Variants in RIT2 observed in about 807,000 individuals in gnomAD.
RIT2 encodes the protein Ras like without CAAX 2, also known as GTP-binding protein Rit2.
RIT2 carries 24 observed loss-of-function variants against 23.7 expected under a neutral mutation model. The ratio of observed to expected loss-of-function variants is 1.01; its 90% CI spans 0.73 to 1.43. RIT2 has a LOEUF of 1.43. Among genes scored for constraint, RIT2 ranks in the 40% most tolerant of loss-of-function variants. RIT2 has a pLI of 0.00. For synonymous variants in RIT2, 107 were observed against 91.1 expected (o/e 1.17, Z -0.99); for missense variants, 236 against 266.9 (o/e 0.88, Z 0.81).
At chr18:42,782,033 GT>G (rs1344178270) in intron 4 of RIT2, among the ~76,000 whole-genome samples, 22 of 152,214 alleles carry the variant, frequency 1.4e-4, no homozygotes. Flanking sequence ...TTAGCTTCAA[GT>G]TTCAGAAAAC....
intron 4 of RIT2, among the ~76,000 whole-genome samples, chr18:42,872,392 T>C (rs774274864): frequency 9.2e-5 from 14 of 152,348 alleles, no homozygotes; most frequent in Non-Finnish European, 1.9e-4. Context: ...CACCTCATGA[T>C]GTCAAAATTG....
intron 4 of RIT2, among the ~76,000 whole-genome samples, chr18:42,796,057 A>G (rs1905341247): frequency 6.6e-6 from 1 of 152,190 alleles, no homozygotes; most frequent in Non-Finnish European, 1.5e-5. Context: ...CCTAGCCAGC[A>G]GTGGCAACCC....
chr18:42,750,738 G>A (rs1179575934), intron 4 of RIT2, among the ~76,000 whole-genome samples: 2 of 151,670 alleles, frequency 1.3e-5, no homozygotes. Flanking sequence ...ACAAATTGTA[G>A]ACTTGTATTA....
At chr18:42,784,901 C>T (rs949880136) in intron 4 of RIT2, among the ~76,000 whole-genome samples, 7 of 151,890 alleles carry the variant, frequency 4.6e-5, no homozygotes, top group African/African-American at 7.2e-5. Flanking sequence ...TCATTAGACA[C>T]GTAACTATAA....
chr18:42,844,465 G>A (rs926567109), intron 4 of RIT2, among the ~76,000 whole-genome samples: 5 of 152,144 alleles, frequency 3.3e-5, no homozygotes, highest in African/African-American at 1.2e-4. Flanking sequence ...GGTTCTCAGT[G>A]TAGAAGGAAG....
chr18:42,846,094 C>A (rs1346357876), intron 4 of RIT2, among the ~76,000 whole-genome samples: 1 of 151,796 alleles, frequency 6.6e-6, no homozygotes, highest in East Asian at 1.9e-4. Context: ...AACAGAAGCT[C>A]TTAAAAAACA....
rs577641539 is a variant in RIT2, at chr18:42,980,206, A to G, written c.161-6059T>C. On this transcript the variant is annotated intron_variant, in intron 2 of 4. Coordinates refer to ENST00000326695, the MANE Select transcript of RIT2 (RefSeq NM_002930.4). ...GAAGAACAACCTTTCCTATCATAGA[A>G]GTAAAAGCTGAAGACAGGGTACCAC... Among the ~76,000 whole-genome samples the G allele has an allele frequency of 3.3e-5, 5 of 152,238 alleles. No individual in the cohort carries two copies. The South Asian group carries it at 8.3e-4, about 25-fold the overall frequency.
chr18:42,894,013 A>G (rs1022644021), intron 4 of RIT2, among the ~76,000 whole-genome samples: 17 of 152,224 alleles, frequency 1.1e-4, no homozygotes, highest in African/African-American at 3.6e-4. Context: ...GAGAGATTGT[A>G]AACTGTATTC....
chr18:42,758,821 A>C (rs2143896253), intron 4 of RIT2, among the ~76,000 whole-genome samples: 1 of 151,636 alleles, frequency 6.6e-6, no homozygotes, highest in African/African-American at 2.4e-5. Flanking sequence ...TGGCCTGATT[A>C]CCCTTTCTGA....
intron 4 of RIT2, among the ~76,000 whole-genome samples, chr18:42,760,535 G>A (rs898137977): frequency 1.3e-5 from 2 of 152,118 alleles, no homozygotes; most frequent in African/African-American, 4.8e-5. Context: ...CATAGTCTGT[G>A]TTAGTCAAAA....
chr18:42,850,076 CGTGTGTGTGT>C (rs60962443), intron 4 of RIT2, among the ~76,000 whole-genome samples: 9 of 142,736 alleles, frequency 6.3e-5, no homozygotes, highest in South Asian at 4.7e-4. Flanking sequence ...AAAATACACC[CGTGTGTGTGT>C]GTGTGTGTGT....
intron 1 of RIT2, among the ~76,000 whole-genome samples, chr18:43,104,905 G>A (rs1272472794): frequency 6.6e-6 from 1 of 152,036 alleles, no homozygotes; most frequent in Non-Finnish European, 1.5e-5. Flanking sequence ...GTTCAGTGTT[G>A]CTACTATGGA....
intron 4 of RIT2, among the ~76,000 whole-genome samples, chr18:42,910,782 T>A (rs1026040652): frequency 4.6e-5 from 7 of 152,048 alleles, no homozygotes; most frequent in Admixed American, 3.9e-4. Context: ...CCTAAATGTG[T>A]TTGGACCAAA....
intron 2 of RIT2, among the ~76,000 whole-genome samples, chr18:43,030,617 T>A (rs577541815): frequency 6.6e-6 from 1 of 152,232 alleles, no homozygotes; most frequent in African/African-American, 2.4e-5. Flanking sequence ...AAACCAATTT[T>A]AAAACAAGTC....
At chr18:43,051,486 A>G (rs1912382895) in intron 1 of RIT2, among the ~76,000 whole-genome samples, 1 of 152,074 alleles carries the variant, frequency 6.6e-6, no homozygotes, top group Non-Finnish European at 1.5e-5. Flanking sequence ...AAGACAAAAA[A>G]TTTCCATCCA....
intron 4 of RIT2, among the ~76,000 whole-genome samples, chr18:42,888,570 A>C (rs1490818850): frequency 6.6e-6 from 1 of 151,866 alleles, no homozygotes; most frequent in African/African-American, 2.4e-5. Flanking sequence ...TATATACCCA[A>C]AAGAAAATAA....
chr18:42,952,032 T>G (rs1909863015), intron 3 of RIT2, among the ~76,000 whole-genome samples: 1 of 152,092 alleles, frequency 6.6e-6, no homozygotes, highest in Admixed American at 6.6e-5. Context: ...TCTCCTAAGA[T>G]GTATTCACTG....
intron 3 of RIT2, among the ~76,000 whole-genome samples, chr18:42,968,407 G>T (rs1475174526): frequency 1.3e-5 from 2 of 152,124 alleles, no homozygotes; most frequent in Non-Finnish European, 2.9e-5. Flanking sequence ...AATCCTATTT[G>T]CAGTAATGTT....
chr18:43,022,952 G>A (rs1260264587), intron 2 of RIT2, among the ~76,000 whole-genome samples: 1 of 151,962 alleles, frequency 6.6e-6, no homozygotes, highest in South Asian at 2.1e-4. Context: ...CGATTTTTCT[G>A]GGACTGAGTG....
Sources: allele counts gnomAD v4.1 joint callset (sites outside exome capture counted in the v4.1 genomes callset), GRCh38; gene constraint gnomAD v4.1.1; transcripts MANE v1.5; gene names NCBI Gene and HGNC (gene_info 2026-07-23, HGNC 2026-07-21).